Variants in ANKEF1 observed in about 807,000 individuals in gnomAD.
ANKEF1 encodes the protein ankyrin repeat and EF-hand domain containing 1, also known as ankyrin repeat and EF-hand domain-containing protein 1.
In ANKEF1, 43 loss-of-function variants were observed where a neutral mutation model predicts 65.1. The observed-to-expected ratio is 0.66, with a 90% CI of 0.52 to 0.85. The LOEUF (loss-of-function observed/expected upper bound fraction) is 0.85, where lower values mean the gene tolerates loss of function less well. ANKEF1 is among the 40% of genes least tolerant of loss of function. The probability of loss-of-function intolerance (pLI) is 0.00; values close to 1 mark genes in which losing one functional copy is unlikely to be tolerated. For synonymous variants in ANKEF1, 316 were observed against 341.5 expected, an observed-to-expected ratio of 0.93 and a Z score of 0.82; for missense variants, 934 against 952.9, an observed-to-expected ratio of 0.98 and a Z score of 0.26.
intron 3 of ANKEF1, among the ~76,000 whole-genome samples, chr20:10,041,243 T>C (rs1052435976): frequency 6.6e-6 from 1 of 151,974 alleles, no homozygotes; most frequent in South Asian, 2.1e-4. Context: ...TTTCTTTATA[T>C]GCTTGTAAGT....
chr20:10,049,188 C>G (rs1396332634), intron 6 of ANKEF1, among the ~76,000 whole-genome samples: 1 of 151,902 alleles, frequency 6.6e-6, no homozygotes, highest in African/African-American at 2.4e-5. Flanking sequence ...CAGAATTCAC[C>G]AAAGTGATGC....
intron 4 of ANKEF1, among the ~76,000 whole-genome samples, chr20:10,043,566 A>G (rs917677111): frequency 1.3e-5 from 2 of 152,114 alleles, no homozygotes; most frequent in Admixed American, 1.3e-4. Flanking sequence ...AGGAAATAGT[A>G]AAAAAAGGCA....
chr20:10,038,356 T>A lies in ANKEF1; in HGVS notation c.55T>A (p.Cys19Ser). 6.2e-7 allele frequency: 1 copy of A among 1,605,956 alleles called. No individual in the cohort carries two copies. Among genetic ancestry groups the A allele is most frequent in the South Asian group, 1.1e-5 (1 of 89,466 alleles). Residue 19 changes from cysteine (C) to serine (S), a missense_variant, in exon 3 of 11, where the codon TGT becomes AGT. Physicochemically the swap from Cys to Ser is moderately radical, Grantham distance 112. Coordinates refer to ENST00000378392, the MANE Select transcript of ANKEF1 (RefSeq NM_022096.6). ...ENLQIYKVLQCVRNKDKKQIE... is the reference protein window; with the variant it reads ...ENLQIYKVLQSVRNKDKKQIE... ...CTTACAGATCTACAAAGTTCTTCAA[T>A]GTGTGCGGAACAAAGACAAGAAGCA...
At chr20:10,050,259 A>G (rs771857928) in intron 7 of ANKEF1, 47 bp downstream of exon 7, 11 of 1,457,820 alleles carry the variant, frequency 7.5e-6, no homozygotes, top group Non-Finnish European at 1.0e-5. Context: ...GAGTCTTCAC[A>G]TTTCAAGGAA....
intron 4 of ANKEF1, among the ~76,000 whole-genome samples, chr20:10,043,792 G>C (rs1265046205): frequency 6.6e-6 from 1 of 151,342 alleles, no homozygotes; most frequent in African/African-American, 2.4e-5. Flanking sequence ...CCGAGTAGCT[G>C]GGATTACAGG....
chr20:10,050,321 G>C (rs1303043645), intron 7 of ANKEF1, 109 bp downstream of exon 7: 1 of 837,008 alleles, frequency 1.2e-6, no homozygotes, highest in East Asian at 2.7e-5. Flanking sequence ...CTTTATTAAA[G>C]TCTATAATAA....
At chr20:10,054,376 T>G in intron 9 of ANKEF1, 86 bp from the exon 10 acceptor site, 1 of 1,119,446 alleles carries the variant, frequency 8.9e-7, no homozygotes, top group Non-Finnish European at 1.2e-6. Context: ...TCTTTCTGGC[T>G]TCAGAGTAAG....
intron 6 of ANKEF1, 86 bp downstream of exon 6, chr20:10,045,783 T>C (rs189095158): frequency 7.1e-7 from 1 of 1,413,686 alleles, no homozygotes; most frequent in East Asian, 2.3e-5. Context: ...CTATCACTTG[T>C]CAGTGGCTTA....
rs1297165692 is a variant in ANKEF1 at position 10,037,101 on chromosome 20, A to T, written c.-44-1157A>T. Among the ~76,000 whole-genome samples the T allele has an allele frequency of 3.9e-5, 6 of 152,210 alleles. 1 individual carries two copies. The highest frequency in any genetic ancestry group is 8.8e-5 in the Non-Finnish European group (6 of 68,038). On this transcript the variant is annotated intron_variant, in intron 2 of 10. Coordinates refer to ENST00000378392, the MANE Select transcript of ANKEF1 (RefSeq NM_022096.6). ...TGAGGGAGCAGGCTTGCGATGGAGA[A>T]AAATGGTGCATAGTTTCAACTTTTG...
At chr20:10,036,012 G>A (rs1359910794) in intron 2 of ANKEF1, among the ~76,000 whole-genome samples, 2 of 152,232 alleles carry the variant, frequency 1.3e-5, no homozygotes, top group Non-Finnish European at 2.9e-5. Flanking sequence ...GATCCTATAT[G>A]CTGCTCAATT....
In ANKEF1 at chr20:10,051,800, C is replaced by T. The variant is rs758912500; in HGVS notation, c.1781C>T (p.Pro594Leu). 2 of 1,613,714 alleles carry T rather than the reference C, an allele frequency of 1.2e-6. No individual in the cohort carries two copies. Among genetic ancestry groups the T allele is most frequent in the East Asian group, 4.5e-5 (2 of 44,854 alleles). Residue 594 changes from proline to leucine, a missense_variant, in exon 8 of 11, where the codon CCT becomes CTT. Pro to Leu is a moderately conservative substitution (Grantham distance 98, BLOSUM62 -3). Transcript: ENST00000378392. Reference protein sequence around the residue: ...IDAASINNSTPLNRAIESCRL... With the variant: ...IDAASINNSTLLNRAIESCRL... The stretch of plus-strand genomic sequence containing the variant: ...GCAGCTTCAATCAACAACTCAACTC[C>T]TTTAAATAGAGCCATTGAAAGCTGC...
At position 10,049,783 on chromosome 20, in the gene ANKEF1, C is replaced by A. The variant is rs192230759; in HGVS notation, c.1214C>A (p.Ser405Tyr). 1 of 1,614,030 alleles carries A rather than the reference C, an allele frequency of 6.2e-7. No homozygotes were observed. The highest frequency in any genetic ancestry group is 8.5e-7 in the Non-Finnish European group (1 of 1,179,998). ...FFKGTRYLNK[S>Y]FVLGSYGPKK... ...AAAGGAACCAGATATTTAAACAAGT[C>A]TTTTGTCTTAGGATCGTATGGACCT... The change falls in exon 7 of 11, where the codon TCT becomes TAT. Residue 405 changes from serine (S) to tyrosine (Y), a missense_variant. By Grantham distance (144) the Ser-to-Tyr change is moderately radical. Coordinates refer to ENST00000378392, the MANE Select transcript of ANKEF1 (RefSeq NM_022096.6).
At position 10,049,798 on chromosome 20, in the gene ANKEF1, C is replaced by T. The variant is rs1440335644; in HGVS notation, c.1229C>T (p.Ser410Leu). The change falls in exon 7 of 11, where the codon TCG becomes TTG. Residue 410 changes from serine to leucine, a missense_variant. Ser to Leu is a moderately radical substitution (Grantham distance 145). Transcript: ENST00000378392. Reference sequence around the variant, plus strand: ...TTAAACAAGTCTTTTGTCTTAGGATCGTATGGACCTAAGAAAAAGGAAAAA... The same window carrying T: ...TTAAACAAGTCTTTTGTCTTAGGATTGTATGGACCTAAGAAAAAGGAAAAA... ...RYLNKSFVLG[S>L]YGPKKKEKGM... The T allele has an allele frequency of 1.2e-6, 2 of 1,613,944 alleles. No individual in the cohort carries two copies. Among genetic ancestry groups the T allele is most frequent in the South Asian group, 1.1e-5 (1 of 91,064 alleles).
chr20:10,037,004 C>T (rs1402809610), intron 2 of ANKEF1, among the ~76,000 whole-genome samples: 1 of 151,866 alleles, frequency 6.6e-6, no homozygotes, highest in South Asian at 2.1e-4. Context: ...TGGAAGCAGG[C>T]GATGGAGATG....
chr20:10,053,370 C>A (rs1984977732), intron 9 of ANKEF1, 95 bp downstream of exon 9: 3 of 1,108,628 alleles, frequency 2.7e-6, no homozygotes, highest in Non-Finnish European at 3.9e-6. Context: ...TGTTATACAA[C>A]ATGGGTAAGA....
chr20:10,050,318 A>G (rs1984781455), intron 7 of ANKEF1, 106 bp downstream of exon 7: 1 of 851,630 alleles, frequency 1.2e-6, no homozygotes, highest in Admixed American at 2.9e-5. Flanking sequence ...CTACTTTATT[A>G]AAGTCTATAA....
rs187958972 is a variant in ANKEF1 at position 10,037,114 on chromosome 20, G to C, written c.-44-1144G>C. Among the ~76,000 whole-genome samples, 287 of 152,292 alleles carry C rather than the reference G, an allele frequency of 1.9e-3. 1 individual carries two copies. Among genetic ancestry groups the C allele is most frequent in the African/African-American group, 6.4e-3 (268 of 41,558 alleles). ...TTGCGATGGAGAAAAATGGTGCATA[G>C]TTTCAACTTTTGTAGTAAGATGGAA... On this transcript the variant is annotated intron_variant, in intron 2 of 10. Coordinates refer to ENST00000378392, the MANE Select transcript of ANKEF1 (RefSeq NM_022096.6).
chr20:10,057,697 T>C lies in ANKEF1; in HGVS notation c.*2037T>C, dbSNP rs1985247247. ...CATTGTGTATTTCCTAAAATCACGA[T>C]GTTCTTTTGCATAACAATATTACCA... On this transcript the variant is annotated 3_prime_UTR_variant, in exon 11 of 11. Transcript: ENST00000378392. The C allele has an allele frequency of 6.6e-6, 1 of 152,238 alleles. No homozygotes were observed. The highest frequency in any genetic ancestry group is 1.9e-4 in the East Asian group (1 of 5,200). The allele number at this position is 152,238 out of a possible 1,614,324, so 9.4% of individuals were successfully genotyped here.
chr20:10,054,694 C>T (rs1424409037), intron 10 of ANKEF1, 95 bp downstream of exon 10: 3 of 1,295,878 alleles, frequency 2.3e-6, no homozygotes, highest in Non-Finnish European at 3.2e-6. Flanking sequence ...CAAATCTGCA[C>T]AGTTTGTCTT....
Sources: allele counts gnomAD v4.1 joint callset (sites outside exome capture counted in the v4.1 genomes callset), GRCh38; gene constraint gnomAD v4.1.1; transcripts MANE v1.5; gene names NCBI Gene and HGNC (gene_info 2026-07-23, HGNC 2026-07-21).